The following LINGO2 variants were observed in gnomAD, a reference collection of about 807,000 sequenced individuals.
LINGO2 encodes leucine rich repeat and Ig domain containing 2.
Under a neutral mutation model 30.6 loss-of-function variants are expected in LINGO2, and 14 were observed. The ratio of observed to expected loss-of-function variants is 0.46; its 90% CI spans 0.30 to 0.72. The LOEUF (loss-of-function observed/expected upper bound fraction) is 0.72. Ranked by LOEUF, LINGO2 falls within the 30% of genes least tolerant of loss-of-function variation. The probability of loss-of-function intolerance (pLI) is 0.07; values close to 1 mark genes in which losing one functional copy is unlikely to be tolerated. For missense variants in LINGO2, 729 were observed against 751.7 expected, an observed-to-expected ratio of 0.97 and a Z score of 0.35; for synonymous variants, 317 against 288.5, an observed-to-expected ratio of 1.10 and a Z score of -1.00.
At chr9:28,277,374 T>C (rs1823152680) in intron 4 of LINGO2, among the ~76,000 whole-genome samples, 1 of 152,164 alleles carries the variant, frequency 6.6e-6, no homozygotes, top group Admixed American at 6.5e-5. Flanking sequence ...AGCAGTTCCT[T>C]ATCTTTCCCC....
chr9:29,027,481 G>C, the LINGO2 span, among the ~76,000 whole-genome samples: 1 of 151,982 alleles, frequency 6.6e-6, no homozygotes, highest in Non-Finnish European at 1.5e-5. Flanking sequence ...GGGGCTACAG[G>C]CACACGCCAC....
At chr9:27,987,814 C>T (rs979495428) in intron 5 of LINGO2, among the ~76,000 whole-genome samples, 4 of 151,766 alleles carry the variant, frequency 2.6e-5, no homozygotes, top group Admixed American at 6.6e-5. Flanking sequence ...TATATATATA[C>T]ACACACACAA....
the LINGO2 span, among the ~76,000 whole-genome samples, chr9:29,078,164 T>C: frequency 6.6e-6 from 1 of 151,848 alleles, no homozygotes. Flanking sequence ...ATGTAAAAAC[T>C]AGAAAAGGAG....
chr9:28,760,943 T>TACACACAC, the LINGO2 span, among the ~76,000 whole-genome samples: 2 of 145,560 alleles, frequency 1.4e-5, no homozygotes, highest in African/African-American at 5.1e-5. Flanking sequence ...TATATATATA[T>TACACACAC]ATACACACAC....
chr9:28,927,222 G>A, the LINGO2 span, among the ~76,000 whole-genome samples: 2 of 152,280 alleles, frequency 1.3e-5, no homozygotes, highest in South Asian at 4.1e-4. Context: ...AGCACTATGA[G>A]CAGGTGGGGG....
the LINGO2 span, among the ~76,000 whole-genome samples, chr9:28,792,221 G>A: frequency 6.6e-6 from 1 of 151,864 alleles, no homozygotes; most frequent in South Asian, 2.1e-4. Flanking sequence ...CAGGCTTACA[G>A]GCTAGGATAA....
the LINGO2 span, among the ~76,000 whole-genome samples, chr9:29,005,370 T>C: frequency 2.0e-5 from 3 of 151,494 alleles, no homozygotes; most frequent in African/African-American, 7.3e-5. Context: ...ATACATAGAT[T>C]AATAGAAAAA....
chr9:28,262,220 T>C (rs1418816021), intron 4 of LINGO2, among the ~76,000 whole-genome samples: 3 of 151,924 alleles, frequency 2.0e-5, no homozygotes, highest in East Asian at 3.9e-4. Context: ...ACGATGCTTA[T>C]AAATCACTTA....
rs1822860426 is a variant in LINGO2, at chr9:28,413,694, T to G, written c.-278-40826A>C. On this transcript the variant is annotated intron_variant, in intron 2 of 5. Transcript: ENST00000379992. ...TTACTTCTGGGACTATGCTGAGGGC[T>G]GAGATGTGGGAGTGGTAGGGGTGGC... Among the ~76,000 whole-genome samples the G allele has an allele frequency of 2.0e-5, 3 of 152,062 alleles. No homozygotes were observed. In the South Asian group the frequency reaches 6.2e-4, roughly 32 times the overall value.
intron 4 of LINGO2, among the ~76,000 whole-genome samples, chr9:28,229,677 G>T (rs1821291278): frequency 6.6e-6 from 1 of 151,696 alleles, no homozygotes; most frequent in Non-Finnish European, 1.5e-5. Flanking sequence ...AAAATAAAGT[G>T]ATAATCAGAT....
chr9:28,208,979 C>A (rs1314043239), intron 4 of LINGO2, among the ~76,000 whole-genome samples: 1 of 151,880 alleles, frequency 6.6e-6, no homozygotes, highest in African/African-American at 2.4e-5. Context: ...TGTTCTTGTA[C>A]AACCAATTTA....
At chr9:28,682,757 T>C in the LINGO2 span, among the ~76,000 whole-genome samples, 7 of 152,232 alleles carry the variant, frequency 4.6e-5, no homozygotes, top group Admixed American at 3.9e-4. Context: ...GATATTGATA[T>C]GCTTTTAGAT....
At chr9:28,574,868 GT>G (rs1010619237) in intron 1 of LINGO2, among the ~76,000 whole-genome samples, 1 of 152,076 alleles carries the variant, frequency 6.6e-6, no homozygotes, top group African/African-American at 2.4e-5. Context: ...AAAGAAAGTG[GT>G]TTGTTCCATG....
chr9:27,997,406 G>A lies in LINGO2; in HGVS notation c.-36+14949C>T, dbSNP rs148688099. On this transcript the variant is annotated intron_variant, in intron 5 of 5. Transcript: ENST00000379992. ...TTGAGATGTGCTCCCCCCTCCCCCCGTCATAAGTGAGAAATCTGAGTCCAG... is the reference window on the plus strand; with the variant it reads ...TTGAGATGTGCTCCCCCCTCCCCCCATCATAAGTGAGAAATCTGAGTCCAG... 1.4e-3 allele frequency among the ~76,000 whole-genome samples: 210 copies of A among 151,796 alleles called. 6 individuals carry two copies. In the East Asian group the frequency reaches 0.028, roughly 21 times the overall value.
At chr9:28,000,707 A>G (rs1178874326) in intron 5 of LINGO2, among the ~76,000 whole-genome samples, 2 of 152,208 alleles carry the variant, frequency 1.3e-5, no homozygotes, top group African/African-American at 4.8e-5. Context: ...ATAGTTTTTA[A>G]AAGTGGGGGC....
At chr9:28,456,516 G>A (rs1824852382) in intron 2 of LINGO2, among the ~76,000 whole-genome samples, 1 of 152,182 alleles carries the variant, frequency 6.6e-6, no homozygotes, top group Non-Finnish European at 1.5e-5. Context: ...GCTTGCAGAA[G>A]TCTCCCTTGA....
At chr9:28,663,394 C>T (rs1224420648) in intron 1 of LINGO2, among the ~76,000 whole-genome samples, 1 of 152,134 alleles carries the variant, frequency 6.6e-6, no homozygotes. Flanking sequence ...TGGGCTTGAA[C>T]TCCTGACCTC....
the LINGO2 span, among the ~76,000 whole-genome samples, chr9:29,015,057 T>C: frequency 1.3e-5 from 2 of 152,120 alleles, no homozygotes; most frequent in Admixed American, 1.3e-4. Flanking sequence ...CCACACTTCA[T>C]GAACCGGCAG....
At chr9:28,278,355 A>C (rs1293870007) in intron 4 of LINGO2, among the ~76,000 whole-genome samples, 1 of 152,180 alleles carries the variant, frequency 6.6e-6, no homozygotes, top group African/African-American at 2.4e-5. Flanking sequence ...ATTTAGATGA[A>C]ATGGCCTTAT....
Sources: allele counts gnomAD v4.1 joint callset (sites outside exome capture counted in the v4.1 genomes callset), GRCh38; gene constraint gnomAD v4.1.1; transcripts MANE v1.5; gene names NCBI Gene and HGNC (gene_info 2026-07-23, HGNC 2026-07-21).